PCCA: variants seen among roughly 807,000 people sequenced by gnomAD.
The protein encoded by PCCA is propionyl-CoA carboxylase alpha chain, mitochondrial.
In PCCA, 74 loss-of-function variants were observed where a neutral mutation model predicts 101.3. That is an observed-to-expected ratio of 0.73 (90% CI 0.61 to 0.89). The LOEUF (loss-of-function observed/expected upper bound fraction) is 0.89, where lower values mean the gene tolerates loss of function less well. PCCA is among the 40% of genes least tolerant of loss of function. The pLI is 0.00. For missense variants in PCCA, 891 were observed against 907.0 expected (o/e 0.98, Z 0.23); for synonymous variants, 294 against 313.6 (o/e 0.94, Z 0.66).
chr13:100,184,170 GA>G (rs1412023707), intron 6 of PCCA, among the ~76,000 whole-genome samples: 1 of 152,176 alleles, frequency 6.6e-6, no homozygotes, highest in Admixed American at 6.5e-5. Context: ...CTAAGAGAGA[GA>G]GGGGGAAGGT....
At chr13:100,236,471 T>G (rs1213216657) in intron 8 of PCCA, 2 of 154,304 alleles carry the variant, frequency 1.3e-5, no homozygotes, top group Non-Finnish European at 2.9e-5. Context: ...TTTCCTTTTT[T>G]TTTTTTAAGA....
At chr13:100,180,850 C>A (rs1180908596) in intron 6 of PCCA, among the ~76,000 whole-genome samples, 1 of 152,204 alleles carries the variant, frequency 6.6e-6, no homozygotes, top group Non-Finnish European at 1.5e-5. Context: ...TCCTTTCCAC[C>A]ACAGGTGATT....
chr13:100,501,648 T>G (rs912586521), intron 21 of PCCA, among the ~76,000 whole-genome samples: 1 of 151,958 alleles, frequency 6.6e-6, no homozygotes, highest in Non-Finnish European at 1.5e-5. Flanking sequence ...CCGAGGCGGG[T>G]GGCTCACGAG....
chr13:100,451,848 T>TC, intron 21 of PCCA, among the ~76,000 whole-genome samples: 2 of 92,678 alleles, frequency 2.2e-5, no homozygotes, highest in African/African-American at 3.8e-5. Flanking sequence ...CTCTCTCCTC[T>TC]CTCTCCTCTT....
In PCCA at chr13:100,184,138, G is replaced by T. The variant is rs74116335; in HGVS notation, c.469-25194G>T. On this transcript the variant is annotated intron_variant, in intron 6 of 23. Coordinates refer to ENST00000376285, the MANE Select transcript of PCCA (RefSeq NM_000282.4). ...TGGAGGGCAAAGAGGAAGCAGGCAC[G>T]TCTTACATGAACAGAGCAGGACTAA... is the stretch of plus-strand genomic sequence containing the variant. Among the ~76,000 whole-genome samples, 1,181 of 152,266 alleles carry T rather than the reference G, an allele frequency of 7.8e-3. 16 individuals carry two copies. The highest frequency in any genetic ancestry group is 0.027 in the African/African-American group (1,127 of 41,536).
At chr13:100,200,475 T>C (rs1399294345) in intron 6 of PCCA, among the ~76,000 whole-genome samples, 3 of 152,138 alleles carry the variant, frequency 2.0e-5, no homozygotes, top group Non-Finnish European at 4.4e-5. Context: ...GAGATCACAG[T>C]TGGGGTACTA....
intron 7 of PCCA, among the ~76,000 whole-genome samples, chr13:100,231,665 C>T (rs949820562): frequency 3.3e-5 from 5 of 152,116 alleles, no homozygotes; most frequent in Non-Finnish European, 7.4e-5. Flanking sequence ...AAAAGTTCAA[C>T]GTGTACCTAA....
chr13:100,105,515 A>G (rs904738979), intron 2 of PCCA, among the ~76,000 whole-genome samples: 8 of 152,146 alleles, frequency 5.3e-5, no homozygotes, highest in Admixed American at 2.0e-4. Context: ...AGCCTTCCTC[A>G]TTAGCGTAAT....
chr13:100,097,066 T>C (rs1023816287), intron 1 of PCCA, among the ~76,000 whole-genome samples: 3 of 152,292 alleles, frequency 2.0e-5, no homozygotes, highest in Non-Finnish European at 4.4e-5. Context: ...AATAATTAAT[T>C]GGACCTGAAC....
At chr13:100,448,009 A>G (rs775293960) in intron 20 of PCCA, among the ~76,000 whole-genome samples, 5 of 152,198 alleles carry the variant, frequency 3.3e-5, no homozygotes, top group African/African-American at 4.8e-5. Context: ...TGCTCATGGC[A>G]TGTAGTTGAG....
intron 6 of PCCA, among the ~76,000 whole-genome samples, chr13:100,181,292 T>C (rs919313059): frequency 2.0e-5 from 3 of 152,250 alleles, no homozygotes; most frequent in African/African-American, 7.2e-5. Context: ...CTTTATCATA[T>C]ATTTATTGAA....
In PCCA at chr13:100,394,582, GTTGT is replaced by G. The variant is rs1299583602; in HGVS notation, c.1746+26015_1746+26018del. On this transcript the variant is annotated intron_variant, in intron 19 of 23. Coordinates refer to ENST00000376285, the MANE Select transcript of PCCA (RefSeq NM_000282.4). The surrounding 1 kb of genome is among the most constrained non-coding windows in gnomAD (Gnocchi z 4.3). ...AGTAACTGAATCTGGTAACAGGGTA[GTTGT>G]TTGTTTCAGAAGCTTATATTAACCA... Among the ~76,000 whole-genome samples the G allele has an allele frequency of 1.3e-5, 2 of 152,210 alleles. No individual in the cohort carries two copies. The highest frequency in any genetic ancestry group is 1.9e-4 in the East Asian group (1 of 5,180).
intron 8 of PCCA, among the ~76,000 whole-genome samples, chr13:100,254,625 A>C (rs1030513964): frequency 2.0e-5 from 3 of 152,192 alleles, no homozygotes; most frequent in African/African-American, 7.2e-5. Context: ...ATTTAACATT[A>C]TCTGTGTGGA....
At chr13:100,263,930 CTG>C (rs1263246731) in intron 10 of PCCA, among the ~76,000 whole-genome samples, 2 of 148,408 alleles carry the variant, frequency 1.3e-5, no homozygotes, top group African/African-American at 5.0e-5. Context: ...GATACGGTAT[CTG>C]TATGTCATAT....
At chr13:100,152,358 CTT>C (rs5806152) in intron 4 of PCCA, among the ~76,000 whole-genome samples, 3,512 of 138,366 alleles carry the variant, frequency 0.025, 143 homozygotes, top group African/African-American at 0.086. Context: ...TTGGAGCACT[CTT>C]TTTTTTTTTT....
At chr13:100,432,269 G>A (rs991108039) in intron 20 of PCCA, among the ~76,000 whole-genome samples, 3 of 152,038 alleles carry the variant, frequency 2.0e-5, no homozygotes, top group Non-Finnish European at 4.4e-5. Context: ...TTCCAACCCC[G>A]AAATTCTTTA....
At chr13:100,439,805 G>A (rs986877964) in intron 20 of PCCA, among the ~76,000 whole-genome samples, 5 of 152,102 alleles carry the variant, frequency 3.3e-5, no homozygotes, top group African/African-American at 9.7e-5. Context: ...GGCCTGAGGA[G>A]TAGCTAAATA....
At position 100,490,573 on chromosome 13, in the gene PCCA, T is replaced by C. The variant is rs561454488; in HGVS notation, c.1900-24854T>C. 7 of 152,360 alleles carry C rather than the reference T, an allele frequency of 4.6e-5. 1 individual carries two copies. Among genetic ancestry groups the C allele is most frequent in the African/African-American group, 1.7e-4 (7 of 41,588 alleles). The allele number at this position is 152,360 out of a possible 1,614,324, so 9.4% of individuals were successfully genotyped here. ...CATTTTTAGTATTTTCTGAACAGTT[T>C]TGTTGAGGTATACTTTACAGATAAC... On this transcript the variant is annotated intron_variant, in intron 21 of 23. Transcript: ENST00000376285.
At chr13:100,468,529 C>T (rs1220150854) in intron 21 of PCCA, among the ~76,000 whole-genome samples, 1 of 152,246 alleles carries the variant, frequency 6.6e-6, no homozygotes, top group Non-Finnish European at 1.5e-5. Context: ...TTCATCAGCA[C>T]TTGGTACTTT....
Sources: allele counts gnomAD v4.1 joint callset (sites outside exome capture counted in the v4.1 genomes callset), GRCh38; gene constraint gnomAD v4.1.1; non-coding constraint Gnocchi (gnomAD v3.1); transcripts MANE v1.5; gene names NCBI Gene and HGNC (gene_info 2026-07-23, HGNC 2026-07-21).